The following GFI1 variants were observed in gnomAD, a reference collection of about 807,000 sequenced individuals.
GFI1 encodes the protein growth factor independent 1 transcriptional repressor.
A neutral mutation model predicts 39.2 loss-of-function variants in GFI1; 15 were observed. That is an observed-to-expected ratio of 0.38 (90% CI 0.26 to 0.59). The LOEUF is 0.59. GFI1 is among the 20% of genes least tolerant of loss of function. The pLI is 0.62. For missense variants in GFI1, 475 were observed against 574.0 expected (o/e 0.83, Z 1.76); for synonymous variants, 239 against 254.3 (o/e 0.94, Z 0.57).
In GFI1 at chr1:92,475,715, G is replaced by A. The variant is rs1265792104; in HGVS notation, c.*314C>T. ...ATTAGGGCTGGAAATGGGAAGGACT[G>A]TGGGGTCTAAGATTTATTCTGGTCC... On this transcript the variant is annotated 3_prime_UTR_variant, in exon 7 of 7. Transcript: ENST00000294702. 3 of 412,464 alleles carry A rather than the reference G, an allele frequency of 7.3e-6. No individual in the cohort carries two copies. Among genetic ancestry groups the A allele is most frequent in the African/African-American group, 4.1e-5 (2 of 49,192 alleles). The allele number at this position is 412,464 out of a possible 1,614,324, so 25.6% of individuals were successfully genotyped here.
At chr1:92,479,325 C>T (rs1391354060) in intron 5 of GFI1, among the ~76,000 whole-genome samples, 1 of 152,180 alleles carries the variant, frequency 6.6e-6, no homozygotes, top group Non-Finnish European at 1.5e-5. Flanking sequence ...ATGCCACCTC[C>T]CCCCAGCCAG....
At chr1:92,483,277 G>T in intron 2 of GFI1, 96 bp downstream of exon 2, 1 of 794,024 alleles carries the variant, frequency 1.3e-6, no homozygotes, top group Non-Finnish European at 2.2e-6. Context: ...CAAAAGGGAC[G>T]TTGGGGCAGC....
chr1:92,479,777 T>C (rs1658134086), intron 5 of GFI1, among the ~76,000 whole-genome samples: 1 of 151,996 alleles, frequency 6.6e-6, no homozygotes, highest in Non-Finnish European at 1.5e-5. Flanking sequence ...CACTTTAACC[T>C]GACAGGGGGA....
Position 92,484,508 on chromosome 1 carries a change from T to A in GFI1, c.-99-922A>T, listed in dbSNP as rs1658435544. 1 of 152,250 alleles carries A rather than the reference T, an allele frequency of 6.6e-6. No homozygotes were observed. Among genetic ancestry groups the A allele is most frequent in the Admixed American group, 6.5e-5 (1 of 15,288 alleles). 9.4% of individuals were successfully genotyped at this position (152,250 alleles called of 1,614,324 possible). A position where few individuals can be genotyped will look rare whatever the true frequency, so the allele number is the denominator to read the frequency against. The stretch of plus-strand genomic sequence containing the variant: ...CGAACGTTGACTGGGAAATGCTAGG[T>A]GTCCCGAGTCGGTAGTGCACCGACA... On this transcript the variant is annotated intron_variant, in intron 1 of 6. Transcript: ENST00000294702. This position sits in a 1 kb window ranked among gnomAD's most constrained non-coding sequence, Gnocchi z 4.1.
chr1:92,484,506 G>C lies in GFI1; in HGVS notation c.-99-920C>G, dbSNP rs1257105872. The C allele has an allele frequency of 2.0e-5, 3 of 152,304 alleles. No homozygotes were observed. The highest frequency in any genetic ancestry group is 7.2e-5 in the African/African-American group (3 of 41,470). The allele number at this position is 152,304 out of a possible 1,614,324, so 9.4% of individuals were successfully genotyped here. On this transcript the variant is annotated intron_variant, in intron 1 of 6. Transcript: ENST00000294702. This position sits in a 1 kb window ranked among gnomAD's most constrained non-coding sequence, Gnocchi z 4.1. ...CACGAACGTTGACTGGGAAATGCTA[G>C]GTGTCCCGAGTCGGTAGTGCACCGA...
chr1:92,483,320 G>T, intron 2 of GFI1, 53 bp downstream of exon 2: 1 of 983,574 alleles, frequency 1.0e-6, no homozygotes. Context: ...GTGTGCCGAG[G>T]TGCAGTAGGC....
chr1:92,482,901 C>G lies in GFI1; in HGVS notation c.261G>C (p.Glu87Asp), dbSNP rs772331632. The G allele has an allele frequency of 6.2e-7, 1 of 1,614,154 alleles. No individual in the cohort carries two copies. The highest frequency in any genetic ancestry group is 8.5e-7 in the Non-Finnish European group (1 of 1,180,016). Residue 87 changes from glutamate to aspartate, a missense_variant, in exon 3 of 7, where the codon GAG (glutamate) becomes GAC (aspartate). Physicochemically the swap from Glu to Asp is conservative, Grantham distance 45. Coordinates refer to ENST00000294702, the MANE Select transcript of GFI1 (RefSeq NM_005263.5). The surrounding 1 kb of genome is among the most constrained non-coding windows in gnomAD (Gnocchi z 4.4). The stretch of plus-strand genomic sequence containing the variant: ...AGGGTGACGGGGGCCTCCAGAAGTC[C>G]TCAAACTCCGAGCTCCGTTCGCAGA... ...GSVCERSSEF[E>D]DFWRPPSPSA...
chr1:92,476,457 C>T (rs554184329), intron 6 of GFI1, among the ~76,000 whole-genome samples: 2 of 152,318 alleles, frequency 1.3e-5, no homozygotes, highest in South Asian at 4.1e-4. Context: ...AGGCCTCAAA[C>T]GGTTTCCTGC....
In GFI1 at chr1:92,475,790, C is replaced by T. The variant is rs988300464; in HGVS notation, c.*239G>A. ...AGGTGTAGAGGAGCCTATTTGTGTCCGAAGCCTAGAGAGTCACTTGGTTCT... is the reference window on the plus strand; with the variant it reads ...AGGTGTAGAGGAGCCTATTTGTGTCTGAAGCCTAGAGAGTCACTTGGTTCT... On this transcript the variant is annotated 3_prime_UTR_variant, in exon 7 of 7. Transcript: ENST00000294702. 1.0e-4 allele frequency: 56 copies of T among 557,132 alleles called. No homozygotes were observed. The highest frequency in any genetic ancestry group is 9.4e-4 in the Admixed American group (31 of 32,876). 34.5% of individuals were successfully genotyped at this position (557,132 alleles called of 1,614,324 possible). A position where few individuals can be genotyped will look rare whatever the true frequency, so the allele number is the denominator to read the frequency against.
chr1:92,473,697 T>C lies in GFI1; in HGVS notation c.*2332A>G, dbSNP rs1657827419. Among the ~76,000 whole-genome samples, 1 of 152,110 alleles carries C rather than the reference T, an allele frequency of 6.6e-6. No homozygotes were observed. The highest frequency in any genetic ancestry group is 2.4e-5 in the African/African-American group (1 of 41,406). ...GGAGAGAAAGTCGTGTGGATTCTATTTGTTTCCCAGGCTGTCAAGCAATCT... is the reference window on the plus strand; with the variant it reads ...GGAGAGAAAGTCGTGTGGATTCTATCTGTTTCCCAGGCTGTCAAGCAATCT... On this transcript the variant is annotated 3_prime_UTR_variant, in exon 7 of 7. Transcript: ENST00000294702.
Position 92,480,543 on chromosome 1 carries a change from G to A in GFI1, c.786+58C>T. 1.3e-6 allele frequency: 2 copies of A among 1,545,012 alleles called. No individual in the cohort carries two copies. Among genetic ancestry groups the A allele is most frequent in the Non-Finnish European group, 1.7e-6 (2 of 1,145,562 alleles). ...GAGAGGGGCCGCGGGGCGCAGGCGA[G>A]GCGCGGGTAGGGGAAGCGGGCGCAC... On this transcript the variant is annotated intron_variant, in intron 4 of 6. Transcript: ENST00000294702. This position sits in a 1 kb window ranked among gnomAD's most constrained non-coding sequence, Gnocchi z 5.6.
Position 92,484,142 on chromosome 1 carries a change from CTG to C in GFI1, c.-99-558_-99-557del, listed in dbSNP as rs1658422893. 6.6e-6 allele frequency among the ~76,000 whole-genome samples: 1 copy of C among 152,128 alleles called. No homozygotes were observed. Among genetic ancestry groups the C allele is most frequent in the East Asian group, 1.9e-4 (1 of 5,168 alleles). On this transcript the variant is annotated intron_variant, in intron 1 of 6. Coordinates refer to ENST00000294702, the MANE Select transcript of GFI1 (RefSeq NM_005263.5). This position sits in a 1 kb window ranked among gnomAD's most constrained non-coding sequence, Gnocchi z 4.1. ...GGGGGGAACAGAACACAAGATAAAA[CTG>C]TGGGGCGGCGGGAGGACAGCAGCAG...
Position 92,476,025 on chromosome 1 carries a change from G to A in GFI1, c.*4C>T, listed in dbSNP as rs1307285878. 1.9e-6 allele frequency: 3 copies of A among 1,613,668 alleles called. No individual in the cohort carries two copies. Among genetic ancestry groups the A allele is most frequent in the Admixed American group, 3.3e-5 (2 of 59,992 alleles). On this transcript the variant is annotated 3_prime_UTR_variant, in exon 7 of 7. Transcript: ENST00000294702. Reference sequence around the variant, plus strand: ...TAGCTGCTGCTTGCAGCCAGCCAGGGTGCTCATTTGAGCCCATGCTGCGTC... The same window carrying A: ...TAGCTGCTGCTTGCAGCCAGCCAGGATGCTCATTTGAGCCCATGCTGCGTC...
Position 92,480,787 on chromosome 1 carries a change from G to A in GFI1, c.600C>T (p.Tyr200=), listed in dbSNP as rs1350126858. The stretch of plus-strand genomic sequence containing the variant: ...CGGCTGCCGCAGACCCGAAGTCGCC[G>A]TAGAGCCCTAGGCCAGGGCCAGCGG... The part of the protein sequence containing the change: ...GATAGPGLGL[Y]GDFGSAAAGL... The change falls in exon 4 of 7, where the codon TAC becomes TAT. Residue 200 remains tyrosine, a synonymous_variant. Coordinates refer to ENST00000294702, the MANE Select transcript of GFI1 (RefSeq NM_005263.5). The surrounding 1 kb of genome is among the most constrained non-coding windows in gnomAD (Gnocchi z 5.6). 4.4e-6 allele frequency: 7 copies of A among 1,598,356 alleles called. No individual in the cohort carries two copies. Among genetic ancestry groups the A allele is most frequent in the East Asian group, 2.2e-5 (1 of 44,492 alleles).
rs1657887779 is a variant in GFI1, at chr1:92,474,946, C to G, written c.*1083G>C. The G allele has an allele frequency of 6.6e-6, 1 of 152,242 alleles. No homozygotes were observed. The allele number at this position is 152,242 out of a possible 1,614,324, so 9.4% of individuals were successfully genotyped here. Reference sequence around the variant, plus strand: ...AAGACAGAGCCTTCCTTCCCACATGCCTGCTAGCTCAGAAATCTTTAAAAT... The same window carrying G: ...AAGACAGAGCCTTCCTTCCCACATGGCTGCTAGCTCAGAAATCTTTAAAAT... On this transcript the variant is annotated 3_prime_UTR_variant, in exon 7 of 7. Transcript: ENST00000294702.
At chr1:92,478,783 GA>G (rs1658088163) in intron 5 of GFI1, 30 bp from the exon 6 acceptor site, 4 of 1,605,446 alleles carry the variant, frequency 2.5e-6, no homozygotes, top group Non-Finnish European at 3.4e-6. Flanking sequence ...GAGAGAGAGA[GA>G]GAGAGAGAGA....
In GFI1 at chr1:92,478,751, T is replaced by C; in HGVS notation, c.927A>G (p.Glu309=). 1 of 1,382,370 alleles carries C rather than the reference T, an allele frequency of 7.2e-7. No homozygotes were observed. The highest frequency in any genetic ancestry group is 1.9e-5 in the African/African-American group (1 of 51,690). 85.6% of individuals were successfully genotyped at this position (1,382,370 alleles called of 1,614,324 possible). A position where few individuals can be genotyped will look rare whatever the true frequency, so the allele number is the denominator to read the frequency against. The change falls in exon 6 of 7, where the codon GAA becomes GAG. Residue 309 remains glutamate (E), a splice_region_variant and synonymous_variant. Coordinates refer to ENST00000294702, the MANE Select transcript of GFI1 (RefSeq NM_005263.5). Reference sequence around the variant, plus strand: ...CACAGATCTTACAGTCAAAGCTCCGTTCCTGCAGAGAGAGAGAGAGAGAGA... The same window carrying C: ...CACAGATCTTACAGTCAAAGCTCCGCTCCTGCAGAGAGAGAGAGAGAGAGA... ...LEQHKAVHSQ[E]RSFDCKICGK...
rs1448153573 is a variant in GFI1 at position 92,483,536 on chromosome 1, T to C, written c.-49A>G. On this transcript the variant is annotated 5_prime_UTR_variant, in exon 2 of 7. Coordinates refer to ENST00000294702, the MANE Select transcript of GFI1 (RefSeq NM_005263.5). ...GCGCCCCAAGAGTCCCTGGAGCCGC[T>C]GTCACCCACGGTCACTCCGAGGGCT... 9.1e-7 allele frequency: 1 copy of C among 1,099,048 alleles called. No homozygotes were observed. The highest frequency in any genetic ancestry group is 1.5e-5 in the African/African-American group (1 of 64,692). 68.1% of individuals were successfully genotyped at this position (1,099,048 alleles called of 1,614,324 possible). A position where few individuals can be genotyped will look rare whatever the true frequency, so the allele number is the denominator to read the frequency against.
chr1:92,478,472 G>T, intron 6 of GFI1, 116 bp downstream of exon 6: 1 of 882,858 alleles, frequency 1.1e-6, no homozygotes, highest in Non-Finnish European at 1.9e-6. Context: ...ACACAGAGCA[G>T]AGAATAACTC....
Sources: gnomAD v4.1 joint callset for allele counts (sites outside exome capture counted in the v4.1 genomes callset) on GRCh38, gnomAD v4.1.1 for gene constraint, Gnocchi (gnomAD v3.1) non-coding constraint, MANE v1.5 for transcripts, NCBI Gene and HGNC (gene_info 2026-07-23, HGNC 2026-07-21) for gene names.